FHIT: variants seen among roughly 807,000 people sequenced by gnomAD.
FHIT encodes the protein fragile histidine triad diadenosine triphosphatase.
In FHIT, 19 loss-of-function variants were observed where a neutral mutation model predicts 17.9. The ratio of observed to expected loss-of-function variants is 1.06; its 90% CI spans 0.74 to 1.56. FHIT has a LOEUF of 1.56. Ranked by LOEUF, FHIT falls within the 40% of genes most tolerant of loss-of-function variation. The probability of loss-of-function intolerance (pLI) is 0.00; values close to 1 mark genes in which losing one functional copy is unlikely to be tolerated. For synonymous variants in FHIT, 81 were observed against 69.7 expected, an observed-to-expected ratio of 1.16 and a Z score of -0.81; for missense variants, 248 against 189.2, an observed-to-expected ratio of 1.31 and a Z score of -1.82.
chr3:60,375,809 C>T (rs1374821627), intron 5 of FHIT, among the ~76,000 whole-genome samples: 1 of 151,986 alleles, frequency 6.6e-6, no homozygotes, highest in Non-Finnish European at 1.5e-5. Flanking sequence ...AAAGACCTTC[C>T]CAGATCCTAT....
chr3:60,236,198 C>T (rs756524753), intron 5 of FHIT, among the ~76,000 whole-genome samples: 1 of 151,160 alleles, frequency 6.6e-6, no homozygotes, highest in Non-Finnish European at 1.5e-5. Context: ...AGTGGTTTGA[C>T]CTTGCTGGGT....
chr3:60,550,700 G>A (rs1163488116), intron 4 of FHIT, among the ~76,000 whole-genome samples: 1 of 151,628 alleles, frequency 6.6e-6, no homozygotes, highest in Non-Finnish European at 1.5e-5. Context: ...GATGTTCAGG[G>A]ATTACATATA....
chr3:61,116,214 TA>T (rs2036294784), intron 2 of FHIT, among the ~76,000 whole-genome samples: 1 of 152,128 alleles, frequency 6.6e-6, no homozygotes, highest in Non-Finnish European at 1.5e-5. Flanking sequence ...TCTGTAAATG[TA>T]AATGATTTTT....
At chr3:60,912,002 C>A (rs879946712) in intron 3 of FHIT, among the ~76,000 whole-genome samples, 3 of 151,682 alleles carry the variant, frequency 2.0e-5, no homozygotes, top group Non-Finnish European at 4.4e-5. Context: ...TTAAATCTCC[C>A]ATCTCATGGG....
intron 2 of FHIT, among the ~76,000 whole-genome samples, chr3:61,050,629 C>G (rs559417608): frequency 2.6e-5 from 4 of 151,960 alleles, no homozygotes; most frequent in East Asian, 3.9e-4. Context: ...TTAATGCGCT[C>G]AAGCAAAAGA....
chr3:60,828,389 C>T (rs1275999541), intron 3 of FHIT, among the ~76,000 whole-genome samples: 1 of 152,112 alleles, frequency 6.6e-6, no homozygotes, highest in African/African-American at 2.4e-5. Flanking sequence ...AAGCACAACT[C>T]ACTACATTGT....
intron 4 of FHIT, among the ~76,000 whole-genome samples, chr3:60,746,014 A>C (rs1483904118): frequency 6.6e-6 from 1 of 152,210 alleles, no homozygotes; most frequent in Non-Finnish European, 1.5e-5. Flanking sequence ...GATGATAACA[A>C]GCAAGTTTTC....
At chr3:60,569,838 G>A (rs1313517107) in intron 4 of FHIT, among the ~76,000 whole-genome samples, 15 of 142,578 alleles carry the variant, frequency 1.1e-4, no homozygotes, top group East Asian at 2.1e-4. Flanking sequence ...TGCAACCTTC[G>A]CCTCACAGGT....
At chr3:59,919,305 T>C (rs1299210999) in intron 8 of FHIT, among the ~76,000 whole-genome samples, 1 of 152,186 alleles carries the variant, frequency 6.6e-6, no homozygotes, top group Non-Finnish European at 1.5e-5. Flanking sequence ...CTTTAAGTGT[T>C]CATTTTTTTT....
At chr3:60,311,353 G>A (rs898935861) in intron 5 of FHIT, among the ~76,000 whole-genome samples, 7 of 151,860 alleles carry the variant, frequency 4.6e-5, no homozygotes, top group Admixed American at 2.0e-4. Flanking sequence ...GTATATTCTG[G>A]ACCCAAGTAC....
intron 5 of FHIT, among the ~76,000 whole-genome samples, chr3:60,440,430 T>C (rs2030694639): frequency 2.0e-5 from 3 of 152,208 alleles, no homozygotes; most frequent in South Asian, 2.1e-4. Flanking sequence ...ATAGGGCTCA[T>C]ACCAAATAAT....
At chr3:60,107,212 C>A (rs1247599995) in intron 5 of FHIT, among the ~76,000 whole-genome samples, 5 of 131,140 alleles carry the variant, frequency 3.8e-5, no homozygotes, top group African/African-American at 1.5e-4. Context: ...GATCAACTTA[C>A]ACATCCAGAG....
At chr3:60,197,747 T>G (rs1333670603) in intron 5 of FHIT, among the ~76,000 whole-genome samples, 1 of 152,128 alleles carries the variant, frequency 6.6e-6, no homozygotes, top group Non-Finnish European at 1.5e-5. Flanking sequence ...TGAAAAACCT[T>G]TGTACATTTC....
At chr3:59,950,481 T>C (rs1356135184) in intron 7 of FHIT, among the ~76,000 whole-genome samples, 2 of 152,200 alleles carry the variant, frequency 1.3e-5, no homozygotes, top group Non-Finnish European at 2.9e-5. Flanking sequence ...ATTGAAACTA[T>C]CACTCACTCC....
At chr3:60,598,929 A>T (rs543958523) in intron 4 of FHIT, among the ~76,000 whole-genome samples, 2 of 152,216 alleles carry the variant, frequency 1.3e-5, no homozygotes, top group African/African-American at 4.8e-5. Context: ...AGCAATGCCA[A>T]ATCACTGACA....
intron 5 of FHIT, among the ~76,000 whole-genome samples, chr3:60,101,082 G>C (rs1377896481): frequency 6.6e-6 from 1 of 152,172 alleles, no homozygotes; most frequent in Non-Finnish European, 1.5e-5. Context: ...CTTACCTGGG[G>C]AACAGGGCAG....
chr3:60,385,729 A>G (rs929766980), intron 5 of FHIT, among the ~76,000 whole-genome samples: 3 of 151,962 alleles, frequency 2.0e-5, no homozygotes, highest in Non-Finnish European at 4.4e-5. Flanking sequence ...AAAGGCATGC[A>G]CCGCCATACC....
intron 4 of FHIT, among the ~76,000 whole-genome samples, chr3:60,815,193 G>A (rs573508051): frequency 2.0e-5 from 3 of 152,008 alleles, no homozygotes; most frequent in Non-Finnish European, 4.4e-5. Flanking sequence ...CCTGTAGGTT[G>A]TTTACTCTGT....
intron 4 of FHIT, among the ~76,000 whole-genome samples, chr3:60,751,362 A>T (rs532604298): frequency 3.7e-4 from 56 of 152,310 alleles, no homozygotes; most frequent in African/African-American, 1.3e-3. Context: ...ATTGTTCTCA[A>T]ATATTTTTTT....
Sources: gnomAD v4.1 joint callset for allele counts (sites outside exome capture counted in the v4.1 genomes callset) on GRCh38, gnomAD v4.1.1 for gene constraint, MANE v1.5 for transcripts, NCBI Gene and HGNC (gene_info 2026-07-23, HGNC 2026-07-21) for gene names.